REDIC1: variants seen among roughly 807,000 people sequenced by gnomAD.
REDIC1 encodes HEI10 Interacting Protein 1.
chr12:39,723,572 C>A, the REDIC1 span, among the ~76,000 whole-genome samples: 808 of 151,852 alleles, frequency 5.3e-3, 1 homozygote, highest in African/African-American at 0.019. Flanking sequence ...GTTTTCATTC[C>A]ATGTTTGTAA....
At chr12:39,896,566 A>G in the REDIC1 span, among the ~76,000 whole-genome samples, 1 of 106,772 alleles carries the variant, frequency 9.4e-6, no homozygotes, top group African/African-American at 3.2e-5. Context: ...GTATACATAT[A>G]TGTATGTATG....
chr12:39,654,594 A>G, the REDIC1 span, among the ~76,000 whole-genome samples: 1 of 152,066 alleles, frequency 6.6e-6, no homozygotes, highest in Admixed American at 6.5e-5. Flanking sequence ...TCTTAAAAAA[A>G]AAAAAAACTG....
chr12:39,896,712 T>C, the REDIC1 span, among the ~76,000 whole-genome samples: 1 of 152,148 alleles, frequency 6.6e-6, no homozygotes, highest in South Asian at 2.1e-4. Flanking sequence ...AGACTTCAAG[T>C]ATTTTATAGT....
At chr12:39,823,459 A>G in the REDIC1 span, among the ~76,000 whole-genome samples, 1 of 152,186 alleles carries the variant, frequency 6.6e-6, no homozygotes, top group African/African-American at 2.4e-5. Context: ...AGAGGTTACA[A>G]AGGAAAACTC....
At chr12:39,838,983 A>C in the REDIC1 span, among the ~76,000 whole-genome samples, 1 of 152,102 alleles carries the variant, frequency 6.6e-6, no homozygotes, top group Admixed American at 6.6e-5. Context: ...GGAATGATCC[A>C]TGGCCACAGG....
the REDIC1 span, among the ~76,000 whole-genome samples, chr12:39,867,371 T>G: frequency 1.3e-5 from 2 of 152,160 alleles, no homozygotes; most frequent in Non-Finnish European, 2.9e-5. Context: ...CCAATTCTAG[T>G]GCCTGGCATA....
At chr12:39,761,754 A>G in the REDIC1 span, among the ~76,000 whole-genome samples, 14 of 152,198 alleles carry the variant, frequency 9.2e-5, no homozygotes, top group Non-Finnish European at 1.8e-4. Context: ...AATTATGATG[A>G]AGATAAAGAA....
chr12:39,643,790 A>T, the REDIC1 span: 1 of 1,541,522 alleles, frequency 6.5e-7, no homozygotes, highest in Non-Finnish European at 8.9e-7. Context: ...AATATTTTGA[A>T]AAACACAGGT....
chr12:39,868,711 TC>T, the REDIC1 span, among the ~76,000 whole-genome samples: 1 of 152,174 alleles, frequency 6.6e-6, no homozygotes, highest in Non-Finnish European at 1.5e-5. Context: ...TAGATCCAAA[TC>T]TTCCAATATT....
At chr12:39,819,005 T>C in the REDIC1 span, among the ~76,000 whole-genome samples, 5 of 152,124 alleles carry the variant, frequency 3.3e-5, no homozygotes, top group African/African-American at 4.8e-5. Context: ...CGAACGAAGA[T>C]GTTTTTCCAC....
At chr12:39,902,155 A>G in the REDIC1 span, among the ~76,000 whole-genome samples, 1 of 140,842 alleles carries the variant, frequency 7.1e-6, no homozygotes, top group East Asian at 2.3e-4. Flanking sequence ...GAACACATGG[A>G]CACAGGAATG....
the REDIC1 span, among the ~76,000 whole-genome samples, chr12:39,832,579 T>A: frequency 1.3e-5 from 2 of 152,068 alleles, no homozygotes; most frequent in East Asian, 3.9e-4. Context: ...TTAAATGATC[T>A]TCCTGTGACC....
At chr12:39,880,562 T>C in the REDIC1 span, among the ~76,000 whole-genome samples, 6 of 152,300 alleles carry the variant, frequency 3.9e-5, no homozygotes, top group Non-Finnish European at 5.9e-5. Context: ...ACAAAAATCA[T>C]AGAAACCTGC....
At chr12:39,751,158 A>G in the REDIC1 span, among the ~76,000 whole-genome samples, 1 of 152,232 alleles carries the variant, frequency 6.6e-6, no homozygotes, top group Non-Finnish European at 1.5e-5. Context: ...TTTGCAATCT[A>G]CTCATCTGAC....
chr12:39,639,326 G>C, the REDIC1 span, among the ~76,000 whole-genome samples: 2 of 152,058 alleles, frequency 1.3e-5, no homozygotes, highest in African/African-American at 4.8e-5. Context: ...GAGTCAGCTG[G>C]ACTCTAGCGA....
the REDIC1 span, among the ~76,000 whole-genome samples, chr12:39,872,984 A>C: frequency 2.0e-5 from 3 of 152,210 alleles, no homozygotes; most frequent in Non-Finnish European, 1.5e-5. Context: ...ATATTTATCA[A>C]TACCTTCATA....
the REDIC1 span, chr12:39,764,825 A>G: frequency 2.5e-6 from 4 of 1,612,414 alleles, no homozygotes; most frequent in Non-Finnish European, 3.4e-6. Flanking sequence ...CCCAAAATAT[A>G]TCTTCTGTTT....
At chr12:39,769,720 G>C in the REDIC1 span, among the ~76,000 whole-genome samples, 6 of 151,570 alleles carry the variant, frequency 4.0e-5, no homozygotes, top group Non-Finnish European at 7.4e-5. Flanking sequence ...CTTCCCTTCT[G>C]TCTACAATAC....
chr12:39,714,686 G>A, the REDIC1 span, among the ~76,000 whole-genome samples: 79 of 151,942 alleles, frequency 5.2e-4, no homozygotes, highest in South Asian at 1.0e-3. Context: ...CACCAGCAAT[G>A]TAGAAGTGTT....
Sources: gnomAD v4.1 joint callset for allele counts (sites outside exome capture counted in the v4.1 genomes callset) on GRCh38, gnomAD v4.1.1 for gene constraint, MANE v1.5 for transcripts, NCBI Gene and HGNC (gene_info 2026-07-23, HGNC 2026-07-21) for gene names.